The following RNF228 variants were observed in gnomAD, a reference collection of about 807,000 sequenced individuals.
The protein encoded by RNF228 is ring finger protein 228.
At chr2:222,318,775 C>CCG in the RNF228 span, 3 of 149,984 alleles carry the variant, frequency 2.0e-5, no homozygotes, top group South Asian at 2.1e-4. Flanking sequence ...AAAGAGACCC[C>CCG]CCCCCCCCAC....
the RNF228 span, among the ~76,000 whole-genome samples, chr2:222,319,947 G>T: frequency 6.6e-6 from 1 of 152,130 alleles, no homozygotes; most frequent in Non-Finnish European, 1.5e-5. This position sits in a 1 kb window ranked among gnomAD's most constrained non-coding sequence, Gnocchi z 7.6. Flanking sequence ...TGCGTCCCGG[G>T]CTCCTGCGTC....
At chr2:222,314,538 G>A in the RNF228 span, among the ~76,000 whole-genome samples, 1 of 152,306 alleles carries the variant, frequency 6.6e-6, no homozygotes, top group Non-Finnish European at 1.5e-5. Flanking sequence ...TGCATATTTA[G>A]CAAGCATGCA....
the RNF228 span, among the ~76,000 whole-genome samples, chr2:222,314,174 A>T: frequency 6.6e-6 from 1 of 152,034 alleles, no homozygotes; most frequent in African/African-American, 2.4e-5. Context: ...AGTATATTTT[A>T]TAATCAGAAA....
At chr2:222,320,085 CG>C in the RNF228 span, among the ~76,000 whole-genome samples, 1 of 152,134 alleles carries the variant, frequency 6.6e-6, no homozygotes, top group Non-Finnish European at 1.5e-5. Flanking sequence ...CGCCCCTCAT[CG>C]GGGGCAAGGT....
At chr2:222,314,883 T>C in the RNF228 span, among the ~76,000 whole-genome samples, 1 of 152,252 alleles carries the variant, frequency 6.6e-6, no homozygotes, top group Non-Finnish European at 1.5e-5. Flanking sequence ...ACGCAGGTGC[T>C]GCTAGCCTTG....
chr2:222,316,231 G>C, the RNF228 span, among the ~76,000 whole-genome samples: 4 of 152,196 alleles, frequency 2.6e-5, no homozygotes. Context: ...CTGAATGCCA[G>C]ATAACCACTA....
chr2:222,319,605 G>T, the RNF228 span, among the ~76,000 whole-genome samples: 1 of 146,542 alleles, frequency 6.8e-6, no homozygotes, highest in Middle Eastern at 3.5e-3. This position sits in a 1 kb window ranked among gnomAD's most constrained non-coding sequence, Gnocchi z 7.6. Flanking sequence ...GTCGTGCGCT[G>T]CGCGCAAAGC....
chr2:222,314,371 T>A, the RNF228 span, among the ~76,000 whole-genome samples: 1 of 152,262 alleles, frequency 6.6e-6, no homozygotes, highest in African/African-American at 2.4e-5. Flanking sequence ...TCTTACACTT[T>A]CTTCATTCAC....
At chr2:222,319,940 G>A in the RNF228 span, among the ~76,000 whole-genome samples, 2 of 152,108 alleles carry the variant, frequency 1.3e-5, no homozygotes, top group East Asian at 3.9e-4. The surrounding 1 kb of genome is among the most constrained non-coding windows in gnomAD (Gnocchi z 7.6). Flanking sequence ...TCTCCGCTGC[G>A]TCCCGGGCTC....
the RNF228 span, among the ~76,000 whole-genome samples, chr2:222,319,769 A>AGCG: frequency 1.9e-3 from 271 of 140,478 alleles, no homozygotes; most frequent in African/African-American, 6.3e-3. This position sits in a 1 kb window ranked among gnomAD's most constrained non-coding sequence, Gnocchi z 7.6. Flanking sequence ...GCGCGGCGGC[A>AGCG]GCGGCGGCGG....
At chr2:222,319,601 C>T in the RNF228 span, among the ~76,000 whole-genome samples, 1 of 141,936 alleles carries the variant, frequency 7.0e-6, no homozygotes, top group African/African-American at 2.5e-5. This position sits in a 1 kb window ranked among gnomAD's most constrained non-coding sequence, Gnocchi z 7.6. Context: ...GCGGGTCGTG[C>T]GCTGCGCGCA....
At chr2:222,319,564 G>A in the RNF228 span, among the ~76,000 whole-genome samples, 1 of 146,110 alleles carries the variant, frequency 6.8e-6, no homozygotes, top group African/African-American at 2.5e-5. The surrounding 1 kb of genome is among the most constrained non-coding windows in gnomAD (Gnocchi z 7.6). Context: ...AGGCGCGCGG[G>A]CAGCGGCGGG....
chr2:222,317,331 C>T, the RNF228 span: 2 of 152,190 alleles, frequency 1.3e-5, no homozygotes, highest in African/African-American at 4.8e-5. Context: ...AGCCAAACCA[C>T]TTATCAATGG....
At chr2:222,319,447 C>T in the RNF228 span, 5 of 180,670 alleles carry the variant, frequency 2.8e-5, no homozygotes, top group Non-Finnish European at 5.6e-5. This position sits in a 1 kb window ranked among gnomAD's most constrained non-coding sequence, Gnocchi z 7.6. Flanking sequence ...GCTCGAGGCC[C>T]GGGGGCCGCG....
At chr2:222,314,904 T>C in the RNF228 span, among the ~76,000 whole-genome samples, 4 of 152,340 alleles carry the variant, frequency 2.6e-5, no homozygotes, top group African/African-American at 9.6e-5. Context: ...GAGGCGACAA[T>C]GTAGACATGT....
the RNF228 span, chr2:222,317,832 T>A: frequency 6.6e-6 from 1 of 152,238 alleles, no homozygotes; most frequent in African/African-American, 2.4e-5. Context: ...TTATATTTTA[T>A]CAGATAATTA....
the RNF228 span, among the ~76,000 whole-genome samples, chr2:222,314,453 T>C: frequency 6.6e-6 from 1 of 152,252 alleles, no homozygotes; most frequent in Non-Finnish European, 1.5e-5. Flanking sequence ...ACTGTAAATA[T>C]TAGCTGCTCC....
chr2:222,319,278 C>T, the RNF228 span: 3 of 339,470 alleles, frequency 8.8e-6, no homozygotes, highest in African/African-American at 4.3e-5. This position sits in a 1 kb window ranked among gnomAD's most constrained non-coding sequence, Gnocchi z 7.6. Flanking sequence ...TCCGGGGGTT[C>T]CCCCGCCGCC....
the RNF228 span, among the ~76,000 whole-genome samples, chr2:222,320,120 C>T: frequency 6.6e-6 from 1 of 152,044 alleles, no homozygotes; most frequent in Non-Finnish European, 1.5e-5. Context: ...CCCCCTGCAC[C>T]GCCGCCTGGG....
Sources: gnomAD v4.1 joint callset for allele counts (sites outside exome capture counted in the v4.1 genomes callset) on GRCh38, gnomAD v4.1.1 for gene constraint, Gnocchi (gnomAD v3.1) non-coding constraint, MANE v1.5 for transcripts, NCBI Gene and HGNC (gene_info 2026-07-23, HGNC 2026-07-21) for gene names.